Variants in E4F1 observed in about 807,000 individuals in gnomAD.
E4F1 encodes transcription factor E4F1.
Under a neutral mutation model 72.9 loss-of-function variants are expected in E4F1, and 30 were observed. That is an observed-to-expected ratio of 0.41 (90% CI 0.31 to 0.56). The LOEUF (loss-of-function observed/expected upper bound fraction) is 0.56. Ranked by LOEUF, E4F1 falls within the 20% of genes least tolerant of loss-of-function variation. E4F1 has a pLI of 0.25. For synonymous variants in E4F1, 542 were observed against 478.2 expected (o/e 1.13, Z -1.74); for missense variants, 1,091 against 1,117.5 (o/e 0.98, Z 0.34).
intron 1 of E4F1, among the ~76,000 whole-genome samples, chr16:2,227,898 A>C (rs2093441908): frequency 6.7e-6 from 1 of 148,996 alleles, no homozygotes; most frequent in Admixed American, 6.8e-5. Context: ...TCCTGGGCTC[A>C]AGCTATCCTC....
intron 1 of E4F1, among the ~76,000 whole-genome samples, chr16:2,225,699 C>T (rs1640780): frequency 0.083 from 12,483 of 150,110 alleles, 1,686 homozygotes; most frequent in African/African-American, 0.29. Flanking sequence ...CTTGAACTCC[C>T]GACCTCAGGT....
intron 1 of E4F1, chr16:2,224,076 C>A: frequency 1.0e-6 from 1 of 964,258 alleles, no homozygotes; most frequent in Non-Finnish European, 1.4e-6. Context: ...CCTTCTCTGC[C>A]TCCGATGCCT....
In E4F1 at chr16:2,235,227, C is replaced by T; in HGVS notation, c.2010C>T (p.His670=). The T allele has an allele frequency of 1.2e-6, 2 of 1,609,556 alleles. No homozygotes were observed. The highest frequency in any genetic ancestry group is 1.7e-6 in the Non-Finnish European group (2 of 1,178,770). ...IEGTQTEVDS[H]IMKVVQQIVH... The stretch of plus-strand genomic sequence containing the variant: ...CCGTGGCCCTGCAGGTGGACAGCCA[C>T]ATCATGAAGGTGGTGCAGCAGATCG... Residue 670 remains histidine, a synonymous_variant, in exon 14 of 14, where the codon CAC becomes CAT. Coordinates refer to ENST00000301727, the MANE Select transcript of E4F1 (RefSeq NM_004424.5).
At chr16:2,229,944 G>A (rs2093457115) in intron 3 of E4F1, 1 of 436,072 alleles carries the variant, frequency 2.3e-6, no homozygotes, top group East Asian at 4.2e-5. Flanking sequence ...GCTTTCCCGG[G>A]TGGTCTCTGC....
intron 1 of E4F1, among the ~76,000 whole-genome samples, chr16:2,227,661 C>T (rs759705360): frequency 2.6e-5 from 4 of 151,944 alleles, no homozygotes; most frequent in Admixed American, 6.6e-5. Context: ...CATGAGCCAC[C>T]GCCCTAATTT....
At chr16:2,232,606 C>A (rs371440042) in intron 5 of E4F1, 30 bp downstream of exon 5, 1 of 1,609,922 alleles carries the variant, frequency 6.2e-7, no homozygotes, top group South Asian at 1.1e-5. Context: ...GGCTGGAGCC[C>A]GGTAGCACCC....
intron 1 of E4F1, among the ~76,000 whole-genome samples, chr16:2,224,351 C>T (rs1292970877): frequency 6.6e-6 from 1 of 152,274 alleles, no homozygotes; most frequent in African/African-American, 2.4e-5. Context: ...ATTTCCCCTA[C>T]AGAATGGGGC....
chr16:2,235,445 C>T lies in E4F1; in HGVS notation c.2228C>T (p.Thr743Ile). 1 of 1,612,662 alleles carries T rather than the reference C, an allele frequency of 6.2e-7. No individual in the cohort carries two copies. ...EGTVLAARAG[T>I]SGTEQATVTM... The stretch of plus-strand genomic sequence containing the variant: ...ACTGTGCTTGCCGCCCGGGCAGGGA[C>T]AAGTGGCACTGAACAGGCCACTGTG... The change falls in exon 14 of 14, where the codon ACA becomes ATA. Residue 743 changes from threonine (T) to isoleucine (I), a missense_variant. Physicochemically the swap from Thr to Ile is moderately conservative, Grantham distance 89 (BLOSUM62 -1). Transcript: ENST00000301727.
At position 2,235,301 on chromosome 16, in the gene E4F1, T is replaced by C. The variant is rs1490862247; in HGVS notation, c.2084T>C (p.Met695Thr). 6.2e-7 allele frequency: 1 copy of C among 1,611,232 alleles called. No individual in the cohort carries two copies. Among genetic ancestry groups the C allele is most frequent in the African/African-American group, 1.3e-5 (1 of 75,060 alleles). Residue 695 changes from methionine (M) to threonine (T), a missense_variant, in exon 14 of 14, where the codon ATG (methionine) becomes ACG (threonine). Physicochemically the swap from Met to Thr is moderately conservative, Grantham distance 81. Coordinates refer to ENST00000301727, the MANE Select transcript of E4F1 (RefSeq NM_004424.5). ...GHQIIVQNVTMDEETALGPEA... is the reference protein window; with the variant it reads ...GHQIIVQNVTTDEETALGPEA... ...CAGATCATCGTGCAGAACGTCACCA[T>C]GGACGAGGAGACGGCGCTGGGCCCA... is the stretch of plus-strand genomic sequence containing the variant.
At chr16:2,231,840 A>G in intron 3 of E4F1, 1 of 317,646 alleles carries the variant, frequency 3.1e-6, no homozygotes, top group South Asian at 3.8e-5. Context: ...CTCTTCACCC[A>G]AGGACCTTGT....
chr16:2,234,804 G>T, intron 11 of E4F1, 23 bp downstream of exon 11: 1 of 1,542,694 alleles, frequency 6.5e-7, no homozygotes, highest in East Asian at 2.5e-5. Context: ...GGAGGTGGGA[G>T]GGGGAGGGGA....
Position 2,235,732 on chromosome 16 carries a change from G to A in E4F1, c.*160G>A. 4.6e-6 allele frequency: 3 copies of A among 654,926 alleles called. No individual in the cohort carries two copies. Among genetic ancestry groups the A allele is most frequent in the Non-Finnish European group, 7.5e-6 (3 of 399,010 alleles). The allele number at this position is 654,926 out of a possible 1,614,324, so 40.6% of individuals were successfully genotyped here. A position where few individuals can be genotyped will look rare whatever the true frequency, so the allele number is the denominator to read the frequency against. ...TTCTTGTTGCTTTACAATAAAACAT[G>A]AGAACCTGCAGCTTGTGATGTTGTG... is the stretch of plus-strand genomic sequence containing the variant. On this transcript the variant is annotated 3_prime_UTR_variant, in exon 14 of 14. Coordinates refer to ENST00000301727, the MANE Select transcript of E4F1 (RefSeq NM_004424.5).
chr16:2,228,605 T>G (rs1382853382), intron 2 of E4F1, 82 bp downstream of exon 2: 4 of 1,515,028 alleles, frequency 2.6e-6, no homozygotes, highest in Non-Finnish European at 3.6e-6. Context: ...GATGGACCTG[T>G]GCAGCCGGTT....
rs778936219 is a variant in E4F1, at chr16:2,232,588, G to A, written c.730+12G>A. 46 of 1,611,134 alleles carry A rather than the reference G, an allele frequency of 2.9e-5. No individual in the cohort carries two copies. The highest frequency in any genetic ancestry group is 1.9e-4 in the African/African-American group (14 of 74,904). ...CCGGCGGCACACGGGTGAGCTGGCCGCACCTCGGGCTGGAGCCCGGTAGCA... is the reference window on the plus strand; with the variant it reads ...CCGGCGGCACACGGGTGAGCTGGCCACACCTCGGGCTGGAGCCCGGTAGCA... On this transcript the variant is annotated intron_variant, in intron 5 of 13. Coordinates refer to ENST00000301727, the MANE Select transcript of E4F1 (RefSeq NM_004424.5).
At chr16:2,223,859 G>A (rs1395808516) in intron 1 of E4F1, 89 bp downstream of exon 1, 3 of 1,530,958 alleles carry the variant, frequency 2.0e-6, no homozygotes, top group African/African-American at 1.4e-5. Context: ...CTGCGGGCTC[G>A]ACCGACCCTC....
chr16:2,227,267 T>C lies in E4F1; in HGVS notation c.158-1105T>C, dbSNP rs927390489. 1.3e-5 allele frequency among the ~76,000 whole-genome samples: 2 copies of C among 152,190 alleles called. 1 individual carries two copies. The highest frequency in any genetic ancestry group is 4.8e-5 in the African/African-American group (2 of 41,448). ...CTCTGTTGCCCCGGCTGGAGTGCAA[T>C]GGGGAGATCTTGGCTTACTGCAACC... On this transcript the variant is annotated intron_variant, in intron 1 of 13. Transcript: ENST00000301727.
In E4F1 at chr16:2,234,490, T is replaced by C; in HGVS notation, c.1594-93T>C. On this transcript the variant is annotated intron_variant, in intron 10 of 13. Transcript: ENST00000301727. The stretch of plus-strand genomic sequence containing the variant: ...TCCCTGCCTCCACCATGCTCAGTCT[T>C]GACCCAGCCCCTCCCTTGGGCCACA... The C allele has an allele frequency of 1.9e-6, 3 of 1,564,986 alleles. No homozygotes were observed. The South Asian group carries it at 3.4e-5, about 18-fold the overall frequency.
chr16:2,233,367 C>G (rs945014943), intron 7 of E4F1, 71 bp from the exon 8 acceptor site: 1 of 1,440,926 alleles, frequency 6.9e-7, no homozygotes, highest in Admixed American at 2.6e-5. Context: ...TCCTGGCGTG[C>G]GTCTGCCCCA....
intron 7 of E4F1, 108 bp from the exon 8 acceptor site, chr16:2,233,330 A>G: frequency 2.8e-6 from 4 of 1,426,560 alleles, no homozygotes; most frequent in South Asian, 1.4e-5. Context: ...TGGGAGCGCC[A>G]TGGGGGTCTG....
Sources: gnomAD v4.1 joint callset for allele counts (sites outside exome capture counted in the v4.1 genomes callset) on GRCh38, gnomAD v4.1.1 for gene constraint, MANE v1.5 for transcripts, NCBI Gene and HGNC (gene_info 2026-07-23, HGNC 2026-07-21) for gene names.